SLC39A14: variants seen among roughly 807,000 people sequenced by gnomAD.
SLC39A14 encodes solute carrier family 39 member 14, also known as metal cation symporter ZIP14.
SLC39A14 carries 19 observed loss-of-function variants against 45.5 expected under a neutral mutation model. That is an observed-to-expected ratio of 0.42 (90% CI 0.29 to 0.61). The LOEUF (loss-of-function observed/expected upper bound fraction) is 0.61. Ranked by LOEUF, SLC39A14 falls within the 20% of genes least tolerant of loss-of-function variation. SLC39A14 has a pLI of 0.22. For missense variants in SLC39A14, 447 were observed against 616.5 expected, an observed-to-expected ratio of 0.73 and a Z score of 2.91; for synonymous variants, 264 against 251.3, an observed-to-expected ratio of 1.05 and a Z score of -0.48.
chr8:22,410,839 T>C (rs76210581), intron 3 of SLC39A14, among the ~76,000 whole-genome samples: 4,313 of 152,254 alleles, frequency 0.028, 96 homozygotes, highest in Non-Finnish European at 0.039. Context: ...TGCCCACTTT[T>C]TTAGCTCAAG....
intron 1 of SLC39A14, among the ~76,000 whole-genome samples, chr8:22,374,194 G>C (rs957105566): frequency 2.0e-5 from 3 of 152,332 alleles, no homozygotes; most frequent in African/African-American, 7.2e-5. Flanking sequence ...GGTGGGGTTG[G>C]GGGGAGGTTG....
At chr8:22,423,763 G>C (rs1165663248), downstream of SLC39A14, among the ~76,000 whole-genome samples, 1 of 96,156 alleles carries the variant, frequency 1.0e-5, no homozygotes, top group Non-Finnish European at 2.3e-5. Context: ...CACCGCGCCT[G>C]GCCTATACTC....
chr8:22,426,153 A>G (rs1283905027), downstream of SLC39A14, among the ~76,000 whole-genome samples: 1 of 152,034 alleles, frequency 6.6e-6, no homozygotes, highest in Admixed American at 6.5e-5. Flanking sequence ...TGGCCTCCCA[A>G]AGTGCTGGGA....
chr8:22,399,082 A>G (rs1586700202), intron 1 of SLC39A14, among the ~76,000 whole-genome samples: 2 of 151,998 alleles, frequency 1.3e-5, no homozygotes, highest in Admixed American at 6.6e-5. Flanking sequence ...TCTCCTTCCC[A>G]CTTGTCTTTC....
chr8:22,408,460 G>A lies in SLC39A14; in HGVS notation c.421G>A (p.Glu141Lys). 1.2e-6 allele frequency: 2 copies of A among 1,614,152 alleles called. No homozygotes were observed. The highest frequency in any genetic ancestry group is 2.7e-5 in the African/African-American group (2 of 75,048). Reference protein sequence around the residue: ...TSENQENEENEQTEEGRPSAV... With the variant: ...TSENQENEENKQTEEGRPSAV... ...GGAGAACCAGGAAAACGAGGAGAAT[G>A]AGCAGACGGAGGAGGGGCGGCCAAG... The change falls in exon 3 of 9, where the codon GAG becomes AAG. Residue 141 changes from glutamate (E) to lysine (K), a missense_variant. Around this residue, in one of 2 missense-constraint regions of SLC39A14, gnomAD observed 342 missense variants for 428.1 expected, o/e 0.80. Coordinates refer to ENST00000381237, the MANE Select transcript of SLC39A14 (RefSeq NM_001128431.4).
At chr8:22,419,181 T>G (rs1021316167) in intron 8 of SLC39A14, among the ~76,000 whole-genome samples, 1 of 152,132 alleles carries the variant, frequency 6.6e-6, no homozygotes, top group Non-Finnish European at 1.5e-5. Context: ...TTAATTTTCT[T>G]TTTTTGTTTT....
In SLC39A14 at chr8:22,421,224, C is replaced by A; in HGVS notation, c.*1526C>A. The A allele has an allele frequency of 1.0e-6, 1 of 985,806 alleles. No homozygotes were observed. Among genetic ancestry groups the A allele is most frequent in the Non-Finnish European group, 1.2e-6 (1 of 829,920 alleles). 61.1% of individuals were successfully genotyped at this position (985,806 alleles called of 1,614,324 possible). A position where few individuals can be genotyped will look rare whatever the true frequency, so the allele number is the denominator to read the frequency against. On this transcript the variant is annotated 3_prime_UTR_variant, in exon 9 of 9. Coordinates refer to ENST00000381237, the MANE Select transcript of SLC39A14 (RefSeq NM_001128431.4). The stretch of plus-strand genomic sequence containing the variant: ...TGCATGGCTGACAGGAGTACTGGTT[C>A]ACTACCAATGCCTGAGCTTTTCTCT...
chr8:22,397,021 T>G (rs558889125), intron 1 of SLC39A14, among the ~76,000 whole-genome samples: 3 of 152,316 alleles, frequency 2.0e-5, no homozygotes, highest in African/African-American at 7.2e-5. Context: ...GTAGGAAAAT[T>G]ACACTCCTAT....
intron 1 of SLC39A14, among the ~76,000 whole-genome samples, chr8:22,399,084 T>C (rs1432081458): frequency 6.6e-6 from 1 of 152,174 alleles, no homozygotes; most frequent in East Asian, 1.9e-4. Flanking sequence ...TCCTTCCCAC[T>C]TGTCTTTCTG....
At chr8:22,419,231 C>T (rs551083649) in intron 8 of SLC39A14, among the ~76,000 whole-genome samples, 2 of 152,058 alleles carry the variant, frequency 1.3e-5, no homozygotes, top group African/African-American at 2.4e-5. Context: ...GTTGCCCAGG[C>T]GGGAGTGCAG....
At chr8:22,393,805 G>A (rs915205758) in intron 1 of SLC39A14, among the ~76,000 whole-genome samples, 1 of 151,904 alleles carries the variant, frequency 6.6e-6, no homozygotes, top group Non-Finnish European at 1.5e-5. Context: ...CCTCAGTAGC[G>A]GGGACTACAG....
intron 4 of SLC39A14, among the ~76,000 whole-genome samples, chr8:22,412,724 G>A (rs749885128): frequency 6.6e-6 from 1 of 152,104 alleles, no homozygotes; most frequent in Non-Finnish European, 1.5e-5. Flanking sequence ...CAGGTGGATC[G>A]TTTGAAGTCA....
chr8:22,376,248 T>C (rs542471173), intron 1 of SLC39A14, among the ~76,000 whole-genome samples: 3 of 151,632 alleles, frequency 2.0e-5, no homozygotes, highest in East Asian at 2.0e-4. Flanking sequence ...CTCGGCTCTC[T>C]GCAGCCTCCA....
At chr8:22,396,385 T>C (rs867696252) in intron 1 of SLC39A14, among the ~76,000 whole-genome samples, 1 of 32,194 alleles carries the variant, frequency 3.1e-5, no homozygotes, top group Non-Finnish European at 5.1e-5. Flanking sequence ...AATAAATAAA[T>C]AGAGAGAGAG....
chr8:22,414,611 A>G (rs1159883973), intron 4 of SLC39A14, among the ~76,000 whole-genome samples, 169 bp from the exon 5 acceptor site: 2 of 152,230 alleles, frequency 1.3e-5, no homozygotes, highest in African/African-American at 4.8e-5. Flanking sequence ...CACATCAGGG[A>G]AACACCAAGG....
chr8:22,398,603 T>C, intron 1 of SLC39A14: 1 of 429,752 alleles, frequency 2.3e-6, no homozygotes, highest in Non-Finnish European at 3.1e-6. Context: ...GAGGCCTTGT[T>C]GGTTTCTGTT....
At chr8:22,375,058 T>C (rs1586635200) in intron 1 of SLC39A14, among the ~76,000 whole-genome samples, 2 of 152,120 alleles carry the variant, frequency 1.3e-5, no homozygotes, top group East Asian at 1.9e-4. Context: ...CCTGCTCTTA[T>C]CTGGAGCAAC....
chr8:22,371,293 G>A (rs1299553274), intron 1 of SLC39A14, among the ~76,000 whole-genome samples: 1 of 152,076 alleles, frequency 6.6e-6, no homozygotes, highest in African/African-American at 2.4e-5. Flanking sequence ...GAATGAGAAG[G>A]TGAATGCCCT....
intron 1 of SLC39A14, among the ~76,000 whole-genome samples, chr8:22,401,031 A>G (rs771850375): frequency 2.0e-5 from 3 of 152,234 alleles, no homozygotes; most frequent in Non-Finnish European, 2.9e-5. Context: ...CCAATTTTAT[A>G]GATGAGAAAA....
Sources: allele counts gnomAD v4.1 joint callset (sites outside exome capture counted in the v4.1 genomes callset), GRCh38; gene constraint gnomAD v4.1.1; regional missense constraint gnomAD v4.1.1; transcripts MANE v1.5; gene names NCBI Gene and HGNC (gene_info 2026-07-23, HGNC 2026-07-21).